Variants in TENM4 observed in about 807,000 individuals in gnomAD.
The protein encoded by TENM4 is teneurin transmembrane protein 4.
Under a neutral mutation model 243.3 loss-of-function variants are expected in TENM4, and 82 were observed. The ratio of observed to expected loss-of-function variants is 0.34; its 90% confidence interval spans 0.28 to 0.40. The LOEUF (loss-of-function observed/expected upper bound fraction) is 0.40, where lower values mean the gene tolerates loss of function less well. TENM4 is among the 10% of genes least tolerant of loss of function. The pLI is 1.00. For missense variants in TENM4, 3,138 were observed against 3,673.3 expected, an observed-to-expected ratio of 0.85 and a Z score of 3.77; for synonymous variants, 1,412 against 1,456.3, an observed-to-expected ratio of 0.97 and a Z score of 0.69.
chr11:78,863,887 A>T (rs1858890498), intron 9 of TENM4, among the ~76,000 whole-genome samples: 1 of 152,260 alleles, frequency 6.6e-6, no homozygotes, highest in Non-Finnish European at 1.5e-5. Context: ...TGTACATACA[A>T]GGTTATTCAC....
chr11:78,919,676 T>C (rs1349309136), intron 6 of TENM4, among the ~76,000 whole-genome samples: 3 of 152,102 alleles, frequency 2.0e-5, no homozygotes, highest in Non-Finnish European at 4.4e-5. Flanking sequence ...CATTAAGACG[T>C]CTGAATGCCT....
At chr11:78,758,915 G>A (rs1424519434) in intron 18 of TENM4, among the ~76,000 whole-genome samples, 2 of 152,170 alleles carry the variant, frequency 1.3e-5, no homozygotes, top group Non-Finnish European at 2.9e-5. Context: ...ATCTCTTAAA[G>A]GGGGATCATA....
intron 1 of TENM4, among the ~76,000 whole-genome samples, chr11:79,339,849 C>A (rs987398595): frequency 3.3e-5 from 5 of 152,044 alleles, no homozygotes; most frequent in African/African-American, 9.7e-5. Context: ...CTGTTGGGGG[C>A]ACAGAGGGGA....
At chr11:79,269,149 CT>C (rs1855927817) in intron 2 of TENM4, among the ~76,000 whole-genome samples, 1 of 152,168 alleles carries the variant, frequency 6.6e-6, no homozygotes, top group Non-Finnish European at 1.5e-5. Context: ...AACATAACTA[CT>C]GTAAAAAATG....
chr11:78,668,334 A>T (rs1177080716), intron 32 of TENM4, among the ~76,000 whole-genome samples: 1 of 152,068 alleles, frequency 6.6e-6, no homozygotes, highest in African/African-American at 2.4e-5. Context: ...ACACATATTT[A>T]ATTATAGGTA....
At chr11:78,794,413 C>G (rs1053266422) in intron 15 of TENM4, among the ~76,000 whole-genome samples, 1 of 152,168 alleles carries the variant, frequency 6.6e-6, no homozygotes, top group South Asian at 2.1e-4. Flanking sequence ...CAGCGTTCTC[C>G]GTGAGGTAGG....
Position 78,823,907 on chromosome 11 carries a change from G to A in TENM4, c.1682-9512C>T, listed in dbSNP as rs1259926415. ...AAGTGCAGAACTTTTTGTTTTTCAA[G>A]TATTTCCACATACAGTTTTATTTCA... On this transcript the variant is annotated intron_variant, in intron 12 of 33. Transcript: ENST00000278550. Among the ~76,000 whole-genome samples the A allele has an allele frequency of 2.6e-5, 4 of 152,284 alleles. No homozygotes were observed. In the East Asian group the frequency reaches 5.8e-4, roughly 22 times the overall value.
intron 5 of TENM4, among the ~76,000 whole-genome samples, chr11:79,065,603 GCCA>G (rs899115649): frequency 3.3e-5 from 5 of 152,194 alleles, no homozygotes; most frequent in African/African-American, 1.2e-4. Context: ...TTCCTTTCTG[GCCA>G]GGTCAAGAAA....
intron 5 of TENM4, among the ~76,000 whole-genome samples, chr11:79,067,074 A>AC (rs1484069263): frequency 6.6e-6 from 1 of 151,462 alleles, no homozygotes; most frequent in African/African-American, 2.4e-5. Flanking sequence ...CCTTCCCAAT[A>AC]CCCCCAATCT....
At position 79,026,912 on chromosome 11, in the gene TENM4, C is replaced by G. The variant is rs536120249; in HGVS notation, c.493+37826G>C. Among the ~76,000 whole-genome samples, 7 of 152,236 alleles carry G rather than the reference C, an allele frequency of 4.6e-5. No homozygotes were observed. In the East Asian group the frequency reaches 1.3e-3, roughly 29 times the overall value. On this transcript the variant is annotated intron_variant, in intron 6 of 33. Coordinates refer to ENST00000278550, the MANE Select transcript of TENM4 (RefSeq NM_001098816.3). ...ACAACCCTGTGCAAAGCTGGCCACT[C>G]TATATAGATTCTAACAGAGAGAGAG... is the stretch of plus-strand genomic sequence containing the variant.
At chr11:79,386,631 G>T (rs1185704340) in intron 1 of TENM4, among the ~76,000 whole-genome samples, 1 of 152,092 alleles carries the variant, frequency 6.6e-6, no homozygotes, top group Admixed American at 6.5e-5. Context: ...CAAATGGCCA[G>T]TAAACACATG....
At chr11:78,868,247 C>T (rs1004470974) in intron 9 of TENM4, among the ~76,000 whole-genome samples, 3 of 152,140 alleles carry the variant, frequency 2.0e-5, no homozygotes, top group African/African-American at 7.2e-5. Flanking sequence ...ATATGATACT[C>T]TGCAGTGTGT....
In TENM4 at chr11:78,676,244, G is replaced by A; in HGVS notation, c.5404C>T (p.Leu1802=). 1 of 1,610,354 alleles carries A rather than the reference G, an allele frequency of 6.2e-7. No individual in the cohort carries two copies. The highest frequency in any genetic ancestry group is 1.1e-5 in the South Asian group (1 of 90,530). The change falls in exon 30 of 34, where the codon CTG becomes TTG. Residue 1802 remains leucine (L), a synonymous_variant. Coordinates refer to ENST00000278550, the MANE Select transcript of TENM4 (RefSeq NM_001098816.3). Reference sequence around the variant, plus strand: ...AGGTTGAGGCCGTTGTCGATGGGCAGCGTGACATTCCTCTTGCCCACGGTG... The same window carrying A: ...AGGTTGAGGCCGTTGTCGATGGGCAACGTGACATTCCTCTTGCCCACGGTG... The part of the protein sequence containing the change: ...NPTVGKRNVT[L]PIDNGLNLVE...
At position 78,894,242 on chromosome 11, in the gene TENM4, C is replaced by T. The variant is rs369392678; in HGVS notation, c.750-2906G>A. Among the ~76,000 whole-genome samples, 27 of 152,252 alleles carry T rather than the reference C, an allele frequency of 1.8e-4. 1 individual carries two copies. The highest frequency in any genetic ancestry group is 1.4e-3 in the East Asian group (7 of 5,178). ...CCAAGGAAGAACTCCTGCTGCCCCCCGGGACCTGAGGCTGGCTGCATGGCA... is the reference window on the plus strand; with the variant it reads ...CCAAGGAAGAACTCCTGCTGCCCCCTGGGACCTGAGGCTGGCTGCATGGCA... On this transcript the variant is annotated intron_variant, in intron 7 of 33. Transcript: ENST00000278550.
At chr11:79,253,396 C>T (rs748955712) in intron 2 of TENM4, among the ~76,000 whole-genome samples, 2 of 152,186 alleles carry the variant, frequency 1.3e-5, no homozygotes, top group Non-Finnish European at 2.9e-5. Flanking sequence ...AACAAACAAA[C>T]ACTGCACTGG....
chr11:79,287,478 C>T (rs147424630), intron 2 of TENM4, among the ~76,000 whole-genome samples: 1 of 152,262 alleles, frequency 6.6e-6, no homozygotes, highest in East Asian at 1.9e-4. Flanking sequence ...AGAAAATATC[C>T]ATGTTCTGTA....
At chr11:79,334,837 C>T (rs1418492081) in intron 1 of TENM4, among the ~76,000 whole-genome samples, 1 of 152,178 alleles carries the variant, frequency 6.6e-6, no homozygotes, top group East Asian at 1.9e-4. Flanking sequence ...TATTCTATAA[C>T]AGAACTCCTA....
chr11:78,750,952 T>C (rs1162372321), intron 19 of TENM4, among the ~76,000 whole-genome samples: 1 of 152,060 alleles, frequency 6.6e-6, no homozygotes, highest in Non-Finnish European at 1.5e-5. Flanking sequence ...TGATCTCTGC[T>C]CTCTGCAACC....
intron 2 of TENM4, among the ~76,000 whole-genome samples, chr11:79,236,785 C>T (rs1277318706): frequency 6.6e-6 from 1 of 152,200 alleles, no homozygotes; most frequent in African/African-American, 2.4e-5. Flanking sequence ...GGAGCAAATG[C>T]ACCCACAGGA....
Sources: allele counts gnomAD v4.1 joint callset (sites outside exome capture counted in the v4.1 genomes callset), GRCh38; gene constraint gnomAD v4.1.1; transcripts MANE v1.5; gene names NCBI Gene and HGNC (gene_info 2026-07-23, HGNC 2026-07-21).